The following TF variants were observed in gnomAD, a reference collection of about 807,000 sequenced individuals.
TF encodes the protein transferrin.
A neutral mutation model predicts 82.4 loss-of-function variants in TF; 55 were observed. That is an observed-to-expected ratio of 0.67 (90% CI 0.54 to 0.84). The LOEUF is 0.84. TF is among the 40% of genes least tolerant of loss of function. The pLI, the probability that TF is intolerant of heterozygous loss-of-function variation, is 0.00. For missense variants in TF, 737 were observed against 868.4 expected (o/e 0.85, Z 1.90); for synonymous variants, 332 against 332.6 (o/e 1.00, Z 0.02).
chr3:133,673,120 A>G, the TF span, among the ~76,000 whole-genome samples: 36 of 152,346 alleles, frequency 2.4e-4, 1 homozygote, highest in African/African-American at 6.0e-4. Context: ...CTGAACGTAC[A>G]TCTACTTCAT....
rs1576372079 is a variant in TF at position 133,785,012 on chromosome 3, C to T, written c.*6392C>T. ...GAGGGAGGTGGGGGGGTCAGCCCCCCGCCCGGCCAGCCGCCCCGTCTGGGA... is the reference window on the plus strand; with the variant it reads ...GAGGGAGGTGGGGGGGTCAGCCCCCTGCCCGGCCAGCCGCCCCGTCTGGGA... On this transcript the variant is annotated 3_prime_UTR_variant, in exon 17 of 17. Transcript: ENST00000402696. 1.3e-5 allele frequency: 1 copy of T among 78,658 alleles called. No individual in the cohort carries two copies. Among genetic ancestry groups the T allele is most frequent in the South Asian group, 5.8e-4 (1 of 1,710 alleles). 4.9% of individuals were successfully genotyped at this position (78,658 alleles called of 1,614,324 possible).
the TF span, among the ~76,000 whole-genome samples, chr3:133,740,259 C>G: frequency 6.6e-6 from 1 of 152,136 alleles, no homozygotes; most frequent in Non-Finnish European, 1.5e-5. Context: ...CACATGTTCT[C>G]ACTCATAAGT....
chr3:133,753,514 GC>G, intron 2 of TF, 80 bp from the exon 3 acceptor site: 1 of 1,248,094 alleles, frequency 8.0e-7, no homozygotes, highest in Non-Finnish European at 1.2e-6. Flanking sequence ...AGTCCTGGTA[GC>G]CACTCTCTAC....
chr3:133,690,418 T>A, the TF span, among the ~76,000 whole-genome samples: 11 of 152,244 alleles, frequency 7.2e-5, no homozygotes, highest in African/African-American at 2.7e-4. Context: ...TTATATTTAG[T>A]AATGTAATGA....
chr3:133,724,695 A>G, the TF span, among the ~76,000 whole-genome samples: 1 of 152,124 alleles, frequency 6.6e-6, no homozygotes, highest in Non-Finnish European at 1.5e-5. Flanking sequence ...TTTTGTTGCC[A>G]TTGCTTTTGG....
chr3:133,724,410 T>C, the TF span, among the ~76,000 whole-genome samples: 23 of 152,406 alleles, frequency 1.5e-4, no homozygotes, highest in Non-Finnish European at 2.8e-4. Flanking sequence ...TGGCCAGTGA[T>C]GATGAGCATT....
At chr3:133,705,725 T>C in the TF span, among the ~76,000 whole-genome samples, 110 of 152,334 alleles carry the variant, frequency 7.2e-4, 2 homozygotes, top group East Asian at 0.02. Context: ...TTGTTTTTCT[T>C]TTTCTTTTTA....
chr3:133,778,237 G>A (rs1275707367), intron 16 of TF: 1 of 288,222 alleles, frequency 3.5e-6, no homozygotes, highest in Non-Finnish European at 6.8e-6. Flanking sequence ...GGTGCTTTTT[G>A]CTATGTCAGT....
chr3:133,752,223 G>T (rs985846949), intron 2 of TF, among the ~76,000 whole-genome samples: 4 of 151,666 alleles, frequency 2.6e-5, no homozygotes, highest in Non-Finnish European at 4.4e-5. Context: ...TTCCCAAGTG[G>T]CTGGTATTAC....
chr3:133,719,029 A>G, the TF span, among the ~76,000 whole-genome samples: 3 of 152,194 alleles, frequency 2.0e-5, no homozygotes, highest in African/African-American at 7.2e-5. Flanking sequence ...ATTGCTAGCC[A>G]TTTCCACCTA....
At chr3:133,716,482 T>C in the TF span, among the ~76,000 whole-genome samples, 1 of 152,154 alleles carries the variant, frequency 6.6e-6, no homozygotes, top group African/African-American at 2.4e-5. Context: ...TCTCACCCCA[T>C]ATCTCGTCCA....
At chr3:133,763,852 G>A (rs1356780483) in intron 9 of TF, among the ~76,000 whole-genome samples, 1 of 152,206 alleles carries the variant, frequency 6.6e-6, no homozygotes, top group Non-Finnish European at 1.5e-5. Flanking sequence ...CCATCTGCAC[G>A]TGAGAATTCT....
At chr3:133,717,245 T>G in the TF span, among the ~76,000 whole-genome samples, 1 of 152,218 alleles carries the variant, frequency 6.6e-6, no homozygotes, top group South Asian at 2.1e-4. Context: ...GGCACTGTCT[T>G]GACAGGTGCT....
the TF span, chr3:133,710,304 C>G: frequency 6.6e-6 from 1 of 152,374 alleles, no homozygotes; most frequent in South Asian, 2.1e-4. Flanking sequence ...ATTACCTGCT[C>G]TCTTTTTTAC....
At chr3:133,740,521 G>T in the TF span, among the ~76,000 whole-genome samples, 2 of 152,176 alleles carry the variant, frequency 1.3e-5, no homozygotes, top group African/African-American at 4.8e-5. Flanking sequence ...AGTATACACG[G>T]GGTTTCACCA....
Position 133,796,608 on chromosome 3 carries a change from T to C in TF, c.*17988T>C, listed in dbSNP as rs1934978366. The C allele has an allele frequency of 6.6e-6, 1 of 152,212 alleles. No individual in the cohort carries two copies. Among genetic ancestry groups the C allele is most frequent in the Non-Finnish European group, 1.5e-5 (1 of 68,030 alleles). 9.4% of individuals were successfully genotyped at this position (152,212 alleles called of 1,614,324 possible). On this transcript the variant is annotated 3_prime_UTR_variant, in exon 17 of 17. Transcript: ENST00000402696. ...CTCTGCCACCCTGTGGAGTGTACTT[T>C]TGTTTTCAATAAACCTCTGCTTTTG... is the stretch of plus-strand genomic sequence containing the variant.
chr3:133,732,335 G>T, the TF span, among the ~76,000 whole-genome samples: 1 of 152,240 alleles, frequency 6.6e-6, no homozygotes, highest in East Asian at 1.9e-4. Context: ...CTAGCTAAAG[G>T]TTTGTAAATG....
At chr3:133,760,220 AG>A (rs1933952512) in intron 9 of TF, 1 of 152,180 alleles carries the variant, frequency 6.6e-6, no homozygotes, top group African/African-American at 2.4e-5. Flanking sequence ...ATTGAAACAA[AG>A]ATGCATATTA....
chr3:133,678,520 CTGT>C, the TF span, among the ~76,000 whole-genome samples: 10 of 152,238 alleles, frequency 6.6e-5, no homozygotes, highest in Admixed American at 3.9e-4. Context: ...TCTCCAGCAT[CTGT>C]TGTTTCCTGA....
Sources: allele counts gnomAD v4.1 joint callset (sites outside exome capture counted in the v4.1 genomes callset), GRCh38; gene constraint gnomAD v4.1.1; transcripts MANE v1.5; gene names NCBI Gene and HGNC (gene_info 2026-07-23, HGNC 2026-07-21).